TRIP13: variants seen among roughly 807,000 people sequenced by gnomAD.
TRIP13 encodes pachytene checkpoint protein 2 homolog.
TRIP13 carries 25 observed loss-of-function variants against 54.4 expected under a neutral mutation model. That is an observed-to-expected ratio of 0.46 (90% CI 0.33 to 0.64). TRIP13 has a LOEUF of 0.64. Ranked by LOEUF, TRIP13 falls within the 30% of genes least tolerant of loss-of-function variation. TRIP13 has a pLI of 0.02. For synonymous variants in TRIP13, 207 were observed against 207.8 expected, an observed-to-expected ratio of 1.00 and a Z score of 0.03; for missense variants, 373 against 534.2, an observed-to-expected ratio of 0.70 and a Z score of 2.97.
intron 6 of TRIP13, 117 bp downstream of exon 6, chr5:904,337 T>C (rs576643064): frequency 2.6e-5 from 21 of 796,312 alleles, no homozygotes; most frequent in Admixed American, 5.9e-5. Context: ...CCACTGTAAG[T>C]CACTTGATTC....
intron 6 of TRIP13, 141 bp from the exon 7 acceptor site, chr5:906,989 G>T: frequency 1.5e-6 from 1 of 667,248 alleles, no homozygotes; most frequent in South Asian, 1.8e-5. Context: ...CGGAGGGCTG[G>T]ATTCCTCAAT....
At position 915,909 on chromosome 5, in the gene TRIP13, G is replaced by A. The variant is rs1754331474; in HGVS notation, c.1139G>A (p.Ser380Asn). The A allele has an allele frequency of 6.2e-7, 1 of 1,614,030 alleles. No individual in the cohort carries two copies. Among genetic ancestry groups the A allele is most frequent in the Non-Finnish European group, 8.5e-7 (1 of 1,180,004 alleles). ...SLLLNDISRK[S>N]EGLSGRVLRK... ...ACTGGGTTTTCTTTACACAGGAAGA[G>A]CGAGGGCCTCAGCGGCCGGGTCCTG... The change falls in exon 12 of 13, where the codon AGC becomes AAC. Residue 380 changes from serine (S) to asparagine (N), a missense_variant. Transcript: ENST00000166345. This position sits in a 1 kb window ranked among gnomAD's most constrained non-coding sequence, Gnocchi z 4.2.
chr5:919,173 T>G (rs1180423099), downstream of TRIP13: 1 of 152,240 alleles, frequency 6.6e-6, no homozygotes, highest in Non-Finnish European at 1.5e-5. Flanking sequence ...TGAGGTGCTG[T>G]GGACCCCAGC....
In TRIP13 at chr5:912,042, A is replaced by G; in HGVS notation, c.1020+46A>G. 1 of 1,577,972 alleles carries G rather than the reference A, an allele frequency of 6.3e-7. No individual in the cohort carries two copies. The highest frequency in any genetic ancestry group is 8.6e-7 in the Non-Finnish European group (1 of 1,164,790). On this transcript the variant is annotated intron_variant, in intron 10 of 12. Coordinates refer to ENST00000166345, the MANE Select transcript of TRIP13 (RefSeq NM_004237.4). The surrounding 1 kb of genome is among the most constrained non-coding windows in gnomAD (Gnocchi z 7.2). ...CTCTTGATACAAATGGATTTCTTAT[A>G]TGTTCTTAATTAATTAAGATAGCTT...
At chr5:899,880 G>A (rs1479386181) in intron 3 of TRIP13, among the ~76,000 whole-genome samples, 1 of 119,782 alleles carries the variant, frequency 8.3e-6, no homozygotes, top group Non-Finnish European at 1.6e-5. Context: ...AGGTGGATTT[G>A]GATGGGCTCT....
chr5:916,976 A>G, intron 12 of TRIP13, 32 bp from the exon 13 acceptor site: 1 of 1,603,556 alleles, frequency 6.2e-7, no homozygotes, highest in Non-Finnish European at 8.5e-7. Flanking sequence ...ACGTGAGTTG[A>G]GCCCCTCCAG....
downstream of TRIP13, among the ~76,000 whole-genome samples, chr5:918,329 G>T (rs1460373815): frequency 6.6e-6 from 1 of 152,126 alleles, no homozygotes; most frequent in Admixed American, 6.5e-5. This position sits in a 1 kb window ranked among gnomAD's most constrained non-coding sequence, Gnocchi z 4.3. Context: ...GCAGAGCCTG[G>T]CTCTGGGGGT....
chr5:911,182 A>G lies in TRIP13; in HGVS notation c.867-661A>G, dbSNP rs145236082. Reference sequence around the variant, plus strand: ...TGAACATGGGAAGTAACCCAGCTCTAGAGTATGTCTAGGGATGATGAGTGG... The same window carrying G: ...TGAACATGGGAAGTAACCCAGCTCTGGAGTATGTCTAGGGATGATGAGTGG... On this transcript the variant is annotated intron_variant, in intron 9 of 12. Transcript: ENST00000166345. This position sits in a 1 kb window ranked among gnomAD's most constrained non-coding sequence, Gnocchi z 4.7. Among the ~76,000 whole-genome samples the G allele has an allele frequency of 6.6e-5, 10 of 152,308 alleles. No individual in the cohort carries two copies. Among genetic ancestry groups the G allele is most frequent in the South Asian group, 4.1e-4 (2 of 4,824 alleles).
chr5:907,063 G>C lies in TRIP13; in HGVS notation c.609-67G>C. 9 of 1,414,464 alleles carry C rather than the reference G, an allele frequency of 6.4e-6. No homozygotes were observed. The highest frequency in any genetic ancestry group is 9.0e-6 in the Non-Finnish European group (9 of 1,000,994). The allele number at this position is 1,414,464 out of a possible 1,614,324, so 87.6% of individuals were successfully genotyped here. On this transcript the variant is annotated intron_variant, in intron 6 of 12. Coordinates refer to ENST00000166345, the MANE Select transcript of TRIP13 (RefSeq NM_004237.4). The surrounding 1 kb of genome is among the most constrained non-coding windows in gnomAD (Gnocchi z 4.1). Reference sequence around the variant, plus strand: ...TTGAGATGTTGCATTCAGGACGCGTGAATGGCTGCCGCTGAGGATCCACAG... The same window carrying C: ...TTGAGATGTTGCATTCAGGACGCGTCAATGGCTGCCGCTGAGGATCCACAG...
intron 6 of TRIP13, among the ~76,000 whole-genome samples, chr5:906,472 C>T (rs553258213): frequency 2.0e-5 from 3 of 152,306 alleles, no homozygotes; most frequent in East Asian, 3.9e-4. Flanking sequence ...TAAACGGTCT[C>T]TCTCTTTTTT....
At position 912,330 on chromosome 5, in the gene TRIP13, A is replaced by G. The variant is rs541777030; in HGVS notation, c.1020+334A>G. Among the ~76,000 whole-genome samples the G allele has an allele frequency of 7.3e-5, 11 of 150,404 alleles. No individual in the cohort carries two copies. Among genetic ancestry groups the G allele is most frequent in the East Asian group, 5.9e-4 (3 of 5,064 alleles). ...TCTCAGCTTACCCCGGGCTTTTCCAATGCCCTGCCTCTCGGGGGCCTGTAT... is the reference window on the plus strand; with the variant it reads ...TCTCAGCTTACCCCGGGCTTTTCCAGTGCCCTGCCTCTCGGGGGCCTGTAT... On this transcript the variant is annotated intron_variant, in intron 10 of 12. Coordinates refer to ENST00000166345, the MANE Select transcript of TRIP13 (RefSeq NM_004237.4). This position sits in a 1 kb window ranked among gnomAD's most constrained non-coding sequence, Gnocchi z 7.2.
At chr5:906,099 CT>C (rs1276127126) in intron 6 of TRIP13, among the ~76,000 whole-genome samples, 7 of 152,172 alleles carry the variant, frequency 4.6e-5, no homozygotes, top group Admixed American at 4.6e-4. Context: ...GTGGTCCCAG[CT>C]TCTTTTGAGG....
Position 915,852 on chromosome 5 carries a change from A to C in TRIP13, c.1134-52A>C. The stretch of plus-strand genomic sequence containing the variant: ...CGGCCAATGAGGAAAATTAGTCCTG[A>C]AACGTGTGATTGTATAAATTGCTGT... On this transcript the variant is annotated intron_variant, in intron 11 of 12. Coordinates refer to ENST00000166345, the MANE Select transcript of TRIP13 (RefSeq NM_004237.4). This position sits in a 1 kb window ranked among gnomAD's most constrained non-coding sequence, Gnocchi z 4.2. The C allele has an allele frequency of 6.3e-7, 1 of 1,599,584 alleles. No homozygotes were observed.
chr5:895,733 G>T (rs1447691521), intron 2 of TRIP13, among the ~76,000 whole-genome samples: 2 of 152,226 alleles, frequency 1.3e-5, no homozygotes, highest in Non-Finnish European at 2.9e-5. Context: ...GGCACGGGCT[G>T]CCCAGGGAAA....
chr5:914,315 C>A, intron 10 of TRIP13, 150 bp from the exon 11 acceptor site: 1 of 643,180 alleles, frequency 1.6e-6, no homozygotes, highest in Non-Finnish European at 2.8e-6. Flanking sequence ...TTCCCTAGTG[C>A]AGCTGTGCAT....
rs376324537 is a variant in TRIP13 at position 912,881 on chromosome 5, G to A, written c.1020+885G>A. The stretch of plus-strand genomic sequence containing the variant: ...TTTAGGGTAGTTGGGCGGTAACCAA[G>A]CAAACCAGTGAATGGGGATTTAAAC... On this transcript the variant is annotated intron_variant, in intron 10 of 12. Coordinates refer to ENST00000166345, the MANE Select transcript of TRIP13 (RefSeq NM_004237.4). This position sits in a 1 kb window ranked among gnomAD's most constrained non-coding sequence, Gnocchi z 7.2. 2.6e-5 allele frequency among the ~76,000 whole-genome samples: 4 copies of A among 152,224 alleles called. No homozygotes were observed. Among genetic ancestry groups the A allele is most frequent in the African/African-American group, 9.6e-5 (4 of 41,462 alleles).
chr5:901,289 G>C lies in TRIP13; in HGVS notation c.445-52G>C. 1.1e-5 allele frequency: 17 copies of C among 1,566,468 alleles called. No individual in the cohort carries two copies. In the South Asian group the frequency reaches 1.8e-4, roughly 17 times the overall value. ...CCTGGGGGAGGGCACATTTCTTGGG[G>C]ACCTTTGCCTTGTTGGTATCTTTGT... is the stretch of plus-strand genomic sequence containing the variant. On this transcript the variant is annotated intron_variant, in intron 4 of 12. Transcript: ENST00000166345.
intron 9 of TRIP13, among the ~76,000 whole-genome samples, chr5:910,662 C>T (rs1202748151): frequency 6.6e-6 from 1 of 152,196 alleles, no homozygotes; most frequent in Admixed American, 6.5e-5. Context: ...GCCTTCATTC[C>T]CTCGTGCTTC....
chr5:896,624 G>T lies in TRIP13; in HGVS notation c.259-41G>T, dbSNP rs371955852. On this transcript the variant is annotated intron_variant, in intron 2 of 12. Coordinates refer to ENST00000166345, the MANE Select transcript of TRIP13 (RefSeq NM_004237.4). Reference sequence around the variant, plus strand: ...TTTGTATGGTTGCAGTTAAGTGAGAGTTGGAAATGTGTGTCGATATTGGCT... The same window carrying T: ...TTTGTATGGTTGCAGTTAAGTGAGATTTGGAAATGTGTGTCGATATTGGCT... The T allele has an allele frequency of 1.1e-5, 18 of 1,586,054 alleles. No individual in the cohort carries two copies. The African/African-American group carries it at 2.4e-4, about 21-fold the overall frequency.
Sources: allele counts gnomAD v4.1 joint callset (sites outside exome capture counted in the v4.1 genomes callset), GRCh38; gene constraint gnomAD v4.1.1; non-coding constraint Gnocchi (gnomAD v3.1); transcripts MANE v1.5; gene names NCBI Gene and HGNC (gene_info 2026-07-23, HGNC 2026-07-21).